The following LRRTM4 variants were observed in gnomAD, a reference collection of about 807,000 sequenced individuals.
The protein encoded by LRRTM4 is leucine-rich repeat transmembrane neuronal protein 4.
Under a neutral mutation model 47.6 loss-of-function variants are expected in LRRTM4, and 25 were observed. The ratio of observed to expected loss-of-function variants is 0.53; its 90% CI spans 0.38 to 0.73. The LOEUF (loss-of-function observed/expected upper bound fraction) is 0.73, where lower values mean the gene tolerates loss of function less well. Among genes scored for constraint, LRRTM4 ranks in the 30% least tolerant of loss-of-function variants. LRRTM4 has a pLI of 0.00. For synonymous variants in LRRTM4, 311 were observed against 269.5 expected (o/e 1.15, Z -1.51); for missense variants, 638 against 713.4 (o/e 0.89, Z 1.20).
chr2:77,244,322 T>C (rs1323291719), intron 3 of LRRTM4, among the ~76,000 whole-genome samples: 2 of 150,952 alleles, frequency 1.3e-5, no homozygotes, highest in Admixed American at 1.3e-4. Flanking sequence ...TATTTCTAGT[T>C]CTAGATCCCT....
At chr2:76,927,228 T>C (rs1336359467) in intron 3 of LRRTM4, among the ~76,000 whole-genome samples, 1 of 152,076 alleles carries the variant, frequency 6.6e-6, no homozygotes, top group Non-Finnish European at 1.5e-5. Context: ...TACCATATTC[T>C]TACATGACCA....
At chr2:77,467,370 C>A (rs1382732037) in intron 3 of LRRTM4, among the ~76,000 whole-genome samples, 5 of 152,110 alleles carry the variant, frequency 3.3e-5, no homozygotes, top group African/African-American at 1.2e-4. Flanking sequence ...TCAGAAAGGA[C>A]AAAAGCCATG....
intron 3 of LRRTM4, among the ~76,000 whole-genome samples, chr2:76,853,591 A>G (rs1669773888): frequency 6.6e-6 from 1 of 152,132 alleles, no homozygotes; most frequent in South Asian, 2.1e-4. Context: ...TTACCTCCCT[A>G]TGGTACTACT....
chr2:76,971,713 A>T (rs1468824566), intron 3 of LRRTM4, among the ~76,000 whole-genome samples: 2 of 152,076 alleles, frequency 1.3e-5, no homozygotes, highest in Non-Finnish European at 2.9e-5. Context: ...AATTGTATTT[A>T]AAAGTATTTA....
intron 3 of LRRTM4, among the ~76,000 whole-genome samples, chr2:77,361,417 G>A (rs116222295): frequency 6.6e-6 from 1 of 151,976 alleles, no homozygotes; most frequent in Non-Finnish European, 1.5e-5. Flanking sequence ...AAGACATTGT[G>A]CTATTTTGAT....
intron 3 of LRRTM4, among the ~76,000 whole-genome samples, chr2:77,185,384 T>TCCA (rs1458756545): frequency 1.3e-5 from 2 of 152,128 alleles, no homozygotes; most frequent in African/African-American, 4.8e-5. Context: ...CATATTTTGG[T>TCCA]CTCCATCCAC....
intron 3 of LRRTM4, among the ~76,000 whole-genome samples, chr2:76,770,850 A>C (rs1412762223): frequency 6.6e-6 from 1 of 152,194 alleles, no homozygotes; most frequent in Admixed American, 6.6e-5. Context: ...GATCCCTTGG[A>C]GAGCTTTTCT....
chr2:77,176,346 C>A (rs771830948), intron 3 of LRRTM4, among the ~76,000 whole-genome samples: 33 of 152,056 alleles, frequency 2.2e-4, no homozygotes, highest in South Asian at 4.1e-4. Flanking sequence ...TTAGGATGAC[C>A]AATGATTTCA....
In LRRTM4 at chr2:77,519,838, C is replaced by A. The variant is rs776727417; in HGVS notation, c.31G>T (p.Gly11Cys). 3.1e-6 allele frequency: 5 copies of A among 1,605,592 alleles called. No individual in the cohort carries two copies. In the Admixed American group the frequency reaches 8.5e-5, roughly 27 times the overall value. The change falls in exon 3 of 4, where the codon GGC becomes TGC. Residue 11 changes from glycine to cysteine, a missense_variant. Coordinates refer to ENST00000409884, the MANE Select transcript of LRRTM4 (RefSeq NM_001134745.3). The surrounding 1 kb of genome is among the most constrained non-coding windows in gnomAD (Gnocchi z 4.6). ...AGTAGCACCAGCACCACACTCATGC[C>A]TTTCAGCTGCGTAATTAAATGGAAA... MGFHLITQLK[G>C]MSVVLVLLPT... is the part of the protein sequence containing the mutation.
intron 3 of LRRTM4, among the ~76,000 whole-genome samples, chr2:77,017,905 A>T (rs1317085362): frequency 7.3e-6 from 1 of 137,816 alleles, no homozygotes; most frequent in Non-Finnish European, 1.6e-5. Context: ...CTTTCTTTAA[A>T]ACAGGAAGTG....
chr2:77,484,898 A>C (rs907725936), intron 3 of LRRTM4, among the ~76,000 whole-genome samples: 1 of 152,156 alleles, frequency 6.6e-6, no homozygotes, highest in Admixed American at 6.5e-5. Flanking sequence ...AGTTAATAGC[A>C]GGTTTAAGCA....
At chr2:77,211,826 AT>A (rs1351310387) in intron 3 of LRRTM4, among the ~76,000 whole-genome samples, 4 of 152,136 alleles carry the variant, frequency 2.6e-5, no homozygotes, top group Non-Finnish European at 5.9e-5. Context: ...CTTATGCTGA[AT>A]GTAATATAAA....
At chr2:77,169,013 G>A (rs948353606) in intron 3 of LRRTM4, among the ~76,000 whole-genome samples, 1 of 152,118 alleles carries the variant, frequency 6.6e-6, no homozygotes, top group Non-Finnish European at 1.5e-5. Flanking sequence ...AAAAGCATTT[G>A]ATATAATTCA....
chr2:77,018,197 T>A (rs1259322663), intron 3 of LRRTM4, among the ~76,000 whole-genome samples: 1 of 151,408 alleles, frequency 6.6e-6, no homozygotes, highest in Non-Finnish European at 1.5e-5. Flanking sequence ...AAGAAAAATT[T>A]TTTTTGTTTT....
intron 3 of LRRTM4, among the ~76,000 whole-genome samples, chr2:76,788,784 C>T (rs1674817478): frequency 1.3e-5 from 2 of 152,040 alleles, no homozygotes; most frequent in African/African-American, 4.8e-5. Flanking sequence ...AGTAGTAACA[C>T]TATTTTATAG....
intron 3 of LRRTM4, among the ~76,000 whole-genome samples, chr2:76,874,648 A>C (rs1672728183): frequency 6.6e-6 from 1 of 151,742 alleles, no homozygotes; most frequent in Admixed American, 6.6e-5. Context: ...TGTTATTTCT[A>C]ATGTTTTGCT....
chr2:76,897,676 C>A (rs536327155), intron 3 of LRRTM4, among the ~76,000 whole-genome samples: 37 of 152,206 alleles, frequency 2.4e-4, no homozygotes, highest in African/African-American at 8.4e-4. Context: ...AAAGGTAATA[C>A]ACTTAGGCAA....
chr2:77,288,224 T>A (rs1676717231), intron 3 of LRRTM4, among the ~76,000 whole-genome samples: 1 of 151,462 alleles, frequency 6.6e-6, no homozygotes, highest in Non-Finnish European at 1.5e-5. Flanking sequence ...ATAAATTAGA[T>A]AAAATAATAT....
At position 77,448,377 on chromosome 2, in the gene LRRTM4, A is replaced by G. The variant is rs144726790; in HGVS notation, c.1551+69941T>C. ...AATTATCACTCATGATATACATAGTACCTTCCTGAGTCTCATCTTAAATTA... is the reference window on the plus strand; with the variant it reads ...AATTATCACTCATGATATACATAGTGCCTTCCTGAGTCTCATCTTAAATTA... On this transcript the variant is annotated intron_variant, in intron 3 of 3. Coordinates refer to ENST00000409884, the MANE Select transcript of LRRTM4 (RefSeq NM_001134745.3). Among the ~76,000 whole-genome samples, 332 of 152,318 alleles carry G rather than the reference A, an allele frequency of 2.2e-3. 2 individuals carry two copies. The highest frequency in any genetic ancestry group is 9.7e-4 in the East Asian group (5 of 5,172).
Sources: allele counts gnomAD v4.1 joint callset (sites outside exome capture counted in the v4.1 genomes callset), GRCh38; gene constraint gnomAD v4.1.1; non-coding constraint Gnocchi (gnomAD v3.1); transcripts MANE v1.5; gene names NCBI Gene and HGNC (gene_info 2026-07-23, HGNC 2026-07-21).